PCDHA1: variants seen among roughly 807,000 people sequenced by gnomAD.
The protein encoded by PCDHA1 is protocadherin alpha-1.
In PCDHA1, 42 loss-of-function variants were observed where a neutral mutation model predicts 61.3. The ratio of observed to expected loss-of-function variants is 0.69; its 90% CI spans 0.54 to 0.89. The LOEUF is 0.89. Among genes scored for constraint, PCDHA1 ranks in the 40% least tolerant of loss-of-function variants. PCDHA1 has a pLI of 0.00. For missense variants in PCDHA1, 1,256 were observed against 1,235.3 expected, an observed-to-expected ratio of 1.02 and a Z score of -0.25; for synonymous variants, 610 against 553.8, an observed-to-expected ratio of 1.10 and a Z score of -1.43.
chr5:140,851,287 C>T, intron 1 of PCDHA1: 1 of 1,037,890 alleles, frequency 9.6e-7, no homozygotes, highest in Non-Finnish European at 1.2e-6. Flanking sequence ...ATAAGAAACC[C>T]AAGCAAAAAT....
At chr5:140,789,802 C>T (rs1025907039) in intron 1 of PCDHA1, among the ~76,000 whole-genome samples, 1 of 152,154 alleles carries the variant, frequency 6.6e-6, no homozygotes, top group Admixed American at 6.5e-5. Context: ...TGCTGAGGCT[C>T]GCAAAACCTA....
intron 1 of PCDHA1, chr5:140,802,478 T>G: frequency 3.7e-6 from 6 of 1,614,166 alleles, no homozygotes; most frequent in Non-Finnish European, 5.1e-6. Context: ...TGGTGACTGC[T>G]CGGGACGGGG....
intron 1 of PCDHA1, chr5:140,966,863 C>T: frequency 6.4e-7 from 1 of 1,562,680 alleles, no homozygotes; most frequent in East Asian, 2.3e-5. Flanking sequence ...GCTGCTGTTG[C>T]TGCTGCTGCT....
chr5:140,970,157 C>T (rs2096386547), intron 1 of PCDHA1, among the ~76,000 whole-genome samples: 2 of 152,176 alleles, frequency 1.3e-5, no homozygotes, highest in African/African-American at 4.8e-5. Context: ...TCCCAATAGT[C>T]ACCTTTCTTG....
At chr5:140,813,300 A>G (rs1301476269) in intron 1 of PCDHA1, 1 of 152,198 alleles carries the variant, frequency 6.6e-6, no homozygotes, top group Non-Finnish European at 1.5e-5. Flanking sequence ...CTGAGATTTC[A>G]TCACTGTGCA....
At chr5:140,881,953 T>G in intron 1 of PCDHA1, 1 of 335,146 alleles carries the variant, frequency 3.0e-6, no homozygotes, top group Non-Finnish European at 5.4e-6. Context: ...AAGGTAAACA[T>G]TTAATCTTCA....
intron 1 of PCDHA1, among the ~76,000 whole-genome samples, chr5:140,971,573 CT>C (rs1203027280): frequency 6.6e-6 from 1 of 152,110 alleles, no homozygotes; most frequent in African/African-American, 2.4e-5. Flanking sequence ...GTTGGGCTTT[CT>C]TTTTTTCCTA....
intron 1 of PCDHA1, chr5:140,824,633 A>ATTTTTTTTTTTT (rs1768300205): frequency 9.8e-6 from 1 of 102,004 alleles, no homozygotes; most frequent in Non-Finnish European, 1.9e-5. Flanking sequence ...TTTTTTTTTT[A>ATTTTTTTTTTTT]TTTTCTGTAG....
chr5:140,925,203 A>G (rs1201965893), intron 1 of PCDHA1, among the ~76,000 whole-genome samples: 4 of 152,310 alleles, frequency 2.6e-5, no homozygotes, highest in South Asian at 4.1e-4. Flanking sequence ...TTCAATAATT[A>G]TCGATACTTT....
At chr5:140,876,398 A>G (rs782094508) in intron 1 of PCDHA1, 1 of 1,613,962 alleles carries the variant, frequency 6.2e-7, no homozygotes, top group Non-Finnish European at 8.5e-7. Context: ...GGTGAACTGG[A>G]TTTTGAAGAG....
intron 1 of PCDHA1, chr5:140,842,164 T>A (rs1246524333): frequency 1.3e-5 from 21 of 1,613,778 alleles, no homozygotes; most frequent in Non-Finnish European, 1.6e-5. Context: ...CATATTCTTT[T>A]AATAGCCTTG....
chr5:140,966,470 T>C, intron 1 of PCDHA1: 1 of 431,298 alleles, frequency 2.3e-6, no homozygotes, highest in Non-Finnish European at 4.0e-6. Context: ...TCTTCCCTTC[T>C]GTTTCCTTTT....
Position 140,803,857 on chromosome 5 carries a change from G to A in PCDHA1, c.2394+15173G>A, listed in dbSNP as rs1763293072. On this transcript the variant is annotated intron_variant, in intron 1 of 3. Coordinates refer to ENST00000504120, the MANE Select transcript of PCDHA1 (RefSeq NM_018900.4). ...GAATTATTTTATTGCTAAATGCCTG[G>A]GTATAAGACAAATATTTTTTCTTAG... 4.2e-5 allele frequency: 24 copies of A among 572,350 alleles called. No individual in the cohort carries two copies. In the South Asian group the frequency reaches 5.7e-4, roughly 14 times the overall value. The allele number at this position is 572,350 out of a possible 1,614,324, so 35.5% of individuals were successfully genotyped here.
At chr5:140,992,897 T>G (rs2097532683) in intron 3 of PCDHA1, among the ~76,000 whole-genome samples, 2 of 152,156 alleles carry the variant, frequency 1.3e-5, no homozygotes, top group Admixed American at 1.3e-4. Flanking sequence ...GCTGGATATC[T>G]CCAAAGCTTA....
intron 1 of PCDHA1, chr5:140,967,365 T>G: frequency 6.2e-7 from 1 of 1,607,630 alleles, no homozygotes; most frequent in Non-Finnish European, 8.5e-7. Flanking sequence ...CTTAAGCCCC[T>G]GCAGGAGAAC....
At chr5:140,957,781 TTCA>T (rs2095383587) in intron 1 of PCDHA1, among the ~76,000 whole-genome samples, 1 of 152,072 alleles carries the variant, frequency 6.6e-6, no homozygotes, top group African/African-American at 2.4e-5. Context: ...AAAAACTAAG[TTCA>T]TCATATATGT....
chr5:140,813,540 A>G (rs1554126219), intron 1 of PCDHA1: 2 of 152,230 alleles, frequency 1.3e-5, no homozygotes, highest in Admixed American at 1.3e-4. Flanking sequence ...GTACACCTGA[A>G]TAGGGTACTT....
chr5:140,870,260 G>C, intron 1 of PCDHA1: 3 of 1,614,200 alleles, frequency 1.9e-6, no homozygotes, highest in Non-Finnish European at 2.5e-6. Flanking sequence ...CAGGTGACCT[G>C]CTCGCTGACG....
At chr5:140,902,367 T>C (rs2153476761) in intron 1 of PCDHA1, among the ~76,000 whole-genome samples, 1 of 152,142 alleles carries the variant, frequency 6.6e-6, no homozygotes, top group Middle Eastern at 3.4e-3. Flanking sequence ...TTCTCTTGTC[T>C]AATTGCTCTA....
Sources: allele counts gnomAD v4.1 joint callset (sites outside exome capture counted in the v4.1 genomes callset), GRCh38; gene constraint gnomAD v4.1.1; transcripts MANE v1.5; gene names NCBI Gene and HGNC (gene_info 2026-07-23, HGNC 2026-07-21).